Variants in WDR35 observed in about 807,000 individuals in gnomAD.
WDR35 encodes WD repeat domain 35, also known as WD repeat-containing protein 35.
A neutral mutation model predicts 158.3 loss-of-function variants in WDR35; 118 were observed. The ratio of observed to expected loss-of-function variants is 0.75; its 90% confidence interval spans 0.64 to 0.87. WDR35 has a LOEUF of 0.87. WDR35 is among the 40% of genes least tolerant of loss of function. WDR35 has a pLI of 0.00. For synonymous variants in WDR35, 448 were observed against 476.1 expected (o/e 0.94, Z 0.77); for missense variants, 1,263 against 1,405.8 (o/e 0.90, Z 1.62).
chr2:19,947,151 G>A (rs1671086606), intron 14 of WDR35, among the ~76,000 whole-genome samples: 1 of 152,156 alleles, frequency 6.6e-6, no homozygotes, highest in Non-Finnish European at 1.5e-5. Context: ...AAATCTTAAG[G>A]TTGACATATC....
chr2:19,935,460 G>T lies in WDR35; in HGVS notation c.2547+11C>A. The T allele has an allele frequency of 1.2e-6, 2 of 1,611,964 alleles. No individual in the cohort carries two copies. Among genetic ancestry groups the T allele is most frequent in the Non-Finnish European group, 1.7e-6 (2 of 1,179,194 alleles). ...CTAACAATTCCAAAAACTAAAATTT[G>T]CAATACCTACTGGAAGTAACTTGTG... On this transcript the variant is annotated intron_variant, in intron 21 of 26. Coordinates refer to ENST00000281405, the MANE Select transcript of WDR35 (RefSeq NM_020779.4).
At chr2:19,969,953 T>C (rs916409477) in intron 8 of WDR35, among the ~76,000 whole-genome samples, 2 of 152,142 alleles carry the variant, frequency 1.3e-5, no homozygotes, top group African/African-American at 2.4e-5. Flanking sequence ...TTCACTGTGT[T>C]AGCCAGGATG....
intron 4 of WDR35, among the ~76,000 whole-genome samples, chr2:19,980,452 A>C (rs1170174208): frequency 6.6e-6 from 1 of 152,220 alleles, no homozygotes; most frequent in African/African-American, 2.4e-5. Context: ...TAAGAGTCTA[A>C]GTTCATTTTG....
chr2:19,922,856 T>G (rs912609477), intron 25 of WDR35, among the ~76,000 whole-genome samples: 1 of 152,138 alleles, frequency 6.6e-6, no homozygotes, highest in African/African-American at 2.4e-5. Flanking sequence ...ACACCCACGC[T>G]GGAAGGTTGT....
At chr2:19,923,479 G>A (rs1670249094) in intron 25 of WDR35, among the ~76,000 whole-genome samples, 1 of 152,210 alleles carries the variant, frequency 6.6e-6, no homozygotes, top group Non-Finnish European at 1.5e-5. Flanking sequence ...GGAGGAAGGA[G>A]AGTATAACGA....
At chr2:19,932,547 T>C (rs760826835) in intron 22 of WDR35, 100 bp from the exon 23 acceptor site, 1 of 1,455,718 alleles carries the variant, frequency 6.9e-7, no homozygotes, top group Non-Finnish European at 9.5e-7. Context: ...AAAAACACTA[T>C]TTCAAAATTA....
At chr2:19,985,925 A>AGC (rs1672552198) in intron 2 of WDR35, among the ~76,000 whole-genome samples, 1 of 146,052 alleles carries the variant, frequency 6.8e-6, no homozygotes, top group Admixed American at 6.9e-5. Context: ...AAAAAAAAAA[A>AGC]GCCTGACACT....
rs1669798476 is a variant in WDR35, at chr2:19,910,542, A to T, written c.*3016T>A. 6.6e-6 allele frequency: 1 copy of T among 152,024 alleles called. No homozygotes were observed. The allele number at this position is 152,024 out of a possible 1,614,324, so 9.4% of individuals were successfully genotyped here. ...TGTAATGAAGGGCAAGTTTTATAATAAAAAAAACAACTTGGCATTACTCAA... is the reference window on the plus strand; with the variant it reads ...TGTAATGAAGGGCAAGTTTTATAATTAAAAAAACAACTTGGCATTACTCAA... On this transcript the variant is annotated 3_prime_UTR_variant, in exon 27 of 27. Transcript: ENST00000281405.
At chr2:19,945,424 T>A (rs1201557756) in intron 16 of WDR35, among the ~76,000 whole-genome samples, 1 of 152,120 alleles carries the variant, frequency 6.6e-6, no homozygotes, top group Non-Finnish European at 1.5e-5. Context: ...AAAACTATAT[T>A]TTTTTATTAG....
intron 10 of WDR35, 21 bp downstream of exon 10, chr2:19,966,703 A>C: frequency 6.2e-7 from 1 of 1,612,540 alleles, no homozygotes; most frequent in Non-Finnish European, 8.5e-7. Context: ...GCTATGTCTT[A>C]AGATATCAAG....
intron 18 of WDR35, 111 bp from the exon 19 acceptor site, chr2:19,938,057 G>C: frequency 7.0e-7 from 1 of 1,436,332 alleles, no homozygotes; most frequent in Non-Finnish European, 9.6e-7. Context: ...GAGAAACATG[G>C]TGGAAAGTAA....
intron 11 of WDR35, among the ~76,000 whole-genome samples, chr2:19,955,538 A>T: frequency 6.6e-6 from 1 of 152,200 alleles, no homozygotes; most frequent in Non-Finnish European, 1.5e-5. Flanking sequence ...AACACAAAAT[A>T]AACAACATAA....
In WDR35 at chr2:19,951,409, A is replaced by G. The variant is rs1162916086; in HGVS notation, c.1470+6T>C. ...AACATTTTCTGGAAAAATTAAAATC[A>G]CCTACTTGAATGGTTTTACTATAAT... is the stretch of plus-strand genomic sequence containing the variant. On this transcript the variant is annotated splice_donor_region_variant and intron_variant, in intron 13 of 26. Transcript: ENST00000281405. The G allele has an allele frequency of 5.0e-6, 8 of 1,603,686 alleles. No homozygotes were observed. Among genetic ancestry groups the G allele is most frequent in the Middle Eastern group, 1.7e-4 (1 of 6,038 alleles).
At position 19,982,174 on chromosome 2, in the gene WDR35, G is replaced by T. The variant is rs1191820; in HGVS notation, c.214+289C>A. 0.97 allele frequency among the ~76,000 whole-genome samples: 147,767 copies of T among 152,298 alleles called. 71,831 individuals are homozygous for T. Among genetic ancestry groups the T allele is most frequent in the East Asian group, 1 (5,180 of 5,184 alleles). Reference sequence around the variant, plus strand: ...GTTACATAAGATATTCAACATTTTAGTATAAAATAGGCTTTATGTCAGATG... The same window carrying T: ...GTTACATAAGATATTCAACATTTTATTATAAAATAGGCTTTATGTCAGATG... On this transcript the variant is annotated intron_variant, in intron 3 of 26. Transcript: ENST00000281405.
intron 25 of WDR35, among the ~76,000 whole-genome samples, chr2:19,928,730 A>T (rs143073840): frequency 1.6e-4 from 25 of 152,306 alleles, no homozygotes; most frequent in African/African-American, 5.8e-4. Flanking sequence ...GAGGGCTCAC[A>T]ATGTCCAGGC....
At chr2:19,984,350 T>G (rs1229053796) in intron 2 of WDR35, among the ~76,000 whole-genome samples, 1 of 152,172 alleles carries the variant, frequency 6.6e-6, no homozygotes, top group East Asian at 1.9e-4. Flanking sequence ...TTAAATGATG[T>G]AGAGTAAAGC....
chr2:19,952,781 CTTTTTT>C (rs773596785), intron 12 of WDR35, among the ~76,000 whole-genome samples: 4 of 86,266 alleles, frequency 4.6e-5, no homozygotes, highest in African/African-American at 9.1e-5. Context: ...ACTCAACATA[CTTTTTT>C]TTTTTTTTTT....
At chr2:19,969,711 G>C in intron 8 of WDR35, 106 bp from the exon 9 acceptor site, 2 of 1,179,096 alleles carry the variant, frequency 1.7e-6, no homozygotes, top group African/African-American at 1.6e-5. Context: ...ATTATTTTGT[G>C]AAAAGTTACT....
In WDR35 at chr2:19,941,524, T is replaced by C. The variant is rs76264399; in HGVS notation, c.1926+235A>G. Among the ~76,000 whole-genome samples, 1,159 of 152,310 alleles carry C rather than the reference T, an allele frequency of 7.6e-3. 16 individuals carry two copies. Among genetic ancestry groups the C allele is most frequent in the African/African-American group, 0.026 (1,073 of 41,562 alleles). ...CTATAAGTAGTATTATTATCTGTAT[T>C]TTATAAAGGCAATAACTGAGACTTA... On this transcript the variant is annotated intron_variant, in intron 17 of 26. Coordinates refer to ENST00000281405, the MANE Select transcript of WDR35 (RefSeq NM_020779.4).
Sources: allele counts gnomAD v4.1 joint callset (sites outside exome capture counted in the v4.1 genomes callset), GRCh38; gene constraint gnomAD v4.1.1; transcripts MANE v1.5; gene names NCBI Gene and HGNC (gene_info 2026-07-23, HGNC 2026-07-21).